B3GAT2: variants seen among roughly 807,000 people sequenced by gnomAD.
B3GAT2 encodes beta-1,3-glucuronyltransferase 2.
A neutral mutation model predicts 27.8 loss-of-function variants in B3GAT2; 26 were observed. That is an observed-to-expected ratio of 0.93 (90% CI 0.68 to 1.30). B3GAT2 has a LOEUF of 1.30. B3GAT2 is among the 50% of genes most tolerant of loss of function. The pLI is 0.00. For synonymous variants in B3GAT2, 218 were observed against 195.1 expected, an observed-to-expected ratio of 1.12 and a Z score of -0.98; for missense variants, 458 against 459.0, an observed-to-expected ratio of 1.00 and a Z score of 0.02.
chr6:70,885,138 A>C (rs1490874059), intron 2 of B3GAT2, among the ~76,000 whole-genome samples: 1 of 152,228 alleles, frequency 6.6e-6, no homozygotes, highest in East Asian at 1.9e-4. Context: ...AGGGACTCTT[A>C]GGAAAGTCGA....
chr6:70,882,570 T>C (rs1739886785), intron 2 of B3GAT2, among the ~76,000 whole-genome samples: 1 of 152,118 alleles, frequency 6.6e-6, no homozygotes, highest in African/African-American at 2.4e-5. Context: ...AAAGCATTAG[T>C]GCATTAAAGA....
At chr6:70,893,498 T>A (rs1365140148) in intron 2 of B3GAT2, among the ~76,000 whole-genome samples, 1 of 151,838 alleles carries the variant, frequency 6.6e-6, no homozygotes, top group Admixed American at 6.6e-5. Flanking sequence ...AGAAAATGAG[T>A]TGTTTTATGA....
intron 1 of B3GAT2, among the ~76,000 whole-genome samples, chr6:70,926,533 A>G (rs1772962221): frequency 6.6e-6 from 1 of 152,246 alleles, no homozygotes. Context: ...ACGAATGCAC[A>G]AGCTTCAGTA....
rs1464720570 is a variant in B3GAT2 at position 70,858,595 on chromosome 6, G to A, written c.*3068C>T. 1 of 163,400 alleles carries A rather than the reference G, an allele frequency of 6.1e-6. No homozygotes were observed. Among genetic ancestry groups the A allele is most frequent in the African/African-American group, 2.4e-5 (1 of 41,642 alleles). 10.1% of individuals were successfully genotyped at this position (163,400 alleles called of 1,614,324 possible). A position where few individuals can be genotyped will look rare whatever the true frequency, so the allele number is the denominator to read the frequency against. ...TAAGCTTTATCCAGCTTGCTGGTGGGACATTTTTACAGTCCACTTAGACAA... is the reference window on the plus strand; with the variant it reads ...TAAGCTTTATCCAGCTTGCTGGTGGAACATTTTTACAGTCCACTTAGACAA... On this transcript the variant is annotated 3_prime_UTR_variant, in exon 4 of 4. Coordinates refer to ENST00000230053, the MANE Select transcript of B3GAT2 (RefSeq NM_080742.3).
At chr6:70,945,556 A>G (rs969588917) in intron 1 of B3GAT2, among the ~76,000 whole-genome samples, 2 of 151,736 alleles carry the variant, frequency 1.3e-5, no homozygotes, top group African/African-American at 4.8e-5. Context: ...AAAGCCTCCA[A>G]GAAATATGGG....
At chr6:70,955,463 G>C (rs927114142) in intron 1 of B3GAT2, among the ~76,000 whole-genome samples, 2 of 104,182 alleles carry the variant, frequency 1.9e-5, no homozygotes, top group African/African-American at 7.5e-5. Flanking sequence ...GTCCCTCCCT[G>C]ATCTCCTATC....
chr6:70,858,064 G>A lies in B3GAT2; in HGVS notation c.*3599C>T. The A allele has an allele frequency of 6.2e-7, 1 of 1,614,070 alleles. No homozygotes were observed. Among genetic ancestry groups the A allele is most frequent in the Non-Finnish European group, 8.5e-7 (1 of 1,179,992 alleles). On this transcript the variant is annotated 3_prime_UTR_variant, in exon 4 of 4. Transcript: ENST00000230053. ...TGGGACAGAGTCCAAGCATGATGGT[G>A]GGCATGCCCATGCCCAATGGGTTTA...
chr6:70,919,726 G>T (rs1772835176), intron 1 of B3GAT2, among the ~76,000 whole-genome samples: 1 of 151,554 alleles, frequency 6.6e-6, no homozygotes, highest in African/African-American at 2.4e-5. Flanking sequence ...ACCAATGGAG[G>T]CTGCAGAACA....
At chr6:70,913,915 T>C (rs1772727537) in intron 1 of B3GAT2, among the ~76,000 whole-genome samples, 2 of 152,220 alleles carry the variant, frequency 1.3e-5, no homozygotes, top group South Asian at 2.1e-4. Flanking sequence ...TATTTAAGTC[T>C]TCTTGTTGAA....
chr6:70,861,594 C>T lies in B3GAT2; in HGVS notation c.*69G>A. The T allele has an allele frequency of 2.1e-6, 3 of 1,439,014 alleles. No individual in the cohort carries two copies. Among genetic ancestry groups the T allele is most frequent in the Non-Finnish European group, 2.9e-6 (3 of 1,033,258 alleles). 89.1% of individuals were successfully genotyped at this position (1,439,014 alleles called of 1,614,324 possible). On this transcript the variant is annotated 3_prime_UTR_variant, in exon 4 of 4. Coordinates refer to ENST00000230053, the MANE Select transcript of B3GAT2 (RefSeq NM_080742.3). ...AAACAATACCTGAATGCTCTGTAGC[C>T]TAAACTCCAAACATCCTCTTCCATA... is the stretch of plus-strand genomic sequence containing the variant.
At chr6:70,883,297 A>T (rs1324931775) in intron 2 of B3GAT2, among the ~76,000 whole-genome samples, 1 of 152,220 alleles carries the variant, frequency 6.6e-6, no homozygotes, top group East Asian at 1.9e-4. Flanking sequence ...CATTATTCAC[A>T]GTAGCCAAAA....
intron 1 of B3GAT2, among the ~76,000 whole-genome samples, chr6:70,946,565 A>C (rs1275276069): frequency 1.3e-5 from 2 of 152,184 alleles, no homozygotes; most frequent in African/African-American, 4.8e-5. Flanking sequence ...ATACAGGAGC[A>C]CCCAGATTCA....
At chr6:70,922,494 C>A (rs1330870454) in intron 1 of B3GAT2, among the ~76,000 whole-genome samples, 1 of 151,884 alleles carries the variant, frequency 6.6e-6, no homozygotes, top group Non-Finnish European at 1.5e-5. Context: ...TATTTTAAAA[C>A]CACATAGAAT....
rs573228851 is a variant in B3GAT2, at chr6:70,933,872, A to G, written c.591+21967T>C. Among the ~76,000 whole-genome samples, 3 of 152,142 alleles carry G rather than the reference A, an allele frequency of 2.0e-5. No homozygotes were observed. The East Asian group carries it at 5.8e-4, about 29-fold the overall frequency. On this transcript the variant is annotated intron_variant, in intron 1 of 3. Transcript: ENST00000230053. ...AGACGTACAAATAGAGAGTGAAGTT[A>G]CTCTGTTTACCCACTTTACGTACCT...
At position 70,859,481 on chromosome 6, in the gene B3GAT2, G is replaced by A; in HGVS notation, c.*2182C>T. 9.4e-7 allele frequency: 1 copy of A among 1,062,380 alleles called. No homozygotes were observed. The highest frequency in any genetic ancestry group is 1.4e-6 in the Non-Finnish European group (1 of 734,090). The allele number at this position is 1,062,380 out of a possible 1,614,324, so 65.8% of individuals were successfully genotyped here. ...GATTAGTGATGTAGTTTATGTTAGT[G>A]TCTTTGAAACTGTAAATAAGTCAAG... On this transcript the variant is annotated 3_prime_UTR_variant, in exon 4 of 4. Transcript: ENST00000230053.
intron 2 of B3GAT2, among the ~76,000 whole-genome samples, chr6:70,888,952 T>G (rs946778158): frequency 6.6e-6 from 1 of 152,220 alleles, no homozygotes; most frequent in African/African-American, 2.4e-5. Context: ...TTGTACTCAT[T>G]TTCGACCCCA....
chr6:70,918,891 A>C (rs1027444650), intron 1 of B3GAT2, among the ~76,000 whole-genome samples: 2 of 152,184 alleles, frequency 1.3e-5, no homozygotes, highest in Middle Eastern at 6.8e-3. Context: ...GCTCTTCTCG[A>C]GGAGTATCTT....
At chr6:70,942,403 C>A (rs369543069) in intron 1 of B3GAT2, among the ~76,000 whole-genome samples, 1 of 152,190 alleles carries the variant, frequency 6.6e-6, no homozygotes, top group African/African-American at 2.4e-5. Flanking sequence ...TCCTTCAGGT[C>A]TCTGAGTATT....
intron 2 of B3GAT2, among the ~76,000 whole-genome samples, chr6:70,867,336 C>T (rs889233045): frequency 6.6e-5 from 10 of 151,422 alleles, no homozygotes; most frequent in African/African-American, 1.7e-4. Context: ...AGAGCAGAAA[C>T]GACTAAAGTA....
Sources: allele counts gnomAD v4.1 joint callset (sites outside exome capture counted in the v4.1 genomes callset), GRCh38; gene constraint gnomAD v4.1.1; transcripts MANE v1.5; gene names NCBI Gene and HGNC (gene_info 2026-07-23, HGNC 2026-07-21).